Variants in UTP15 observed in about 807,000 individuals in gnomAD.
UTP15 encodes UTP15 small subunit processome component.
UTP15 carries 5 observed loss-of-function variants against 59.1 expected under a neutral mutation model. The ratio of observed to expected loss-of-function variants is 0.08; its 90% confidence interval spans 0.04 to 0.18. The LOEUF (loss-of-function observed/expected upper bound fraction) is 0.18, where lower values mean the gene tolerates loss of function less well. UTP15 is among the 10% of genes least tolerant of loss of function. The pLI, the probability that UTP15 is intolerant of heterozygous loss-of-function variation, is 1.00. For synonymous variants in UTP15, 211 were observed against 212.2 expected, an observed-to-expected ratio of 0.99 and a Z score of 0.05; for missense variants, 494 against 616.7, an observed-to-expected ratio of 0.80 and a Z score of 2.11.
At chr5:73,578,087 C>T (rs1748156502) in intron 9 of UTP15, 82 bp downstream of exon 9, 2 of 1,442,098 alleles carry the variant, frequency 1.4e-6, no homozygotes, top group East Asian at 4.9e-5. Context: ...TACTGGAAAG[C>T]GTAGTTCACA....
Position 73,572,492 on chromosome 5 carries a change from G to T in UTP15, c.677G>T (p.Gly226Val). 6.2e-7 allele frequency: 1 copy of T among 1,612,860 alleles called. No homozygotes were observed. The highest frequency in any genetic ancestry group is 8.5e-7 in the Non-Finnish European group (1 of 1,179,676). Residue 226 changes from glycine to valine, a missense_variant, in exon 7 of 13, where the codon GGT (glycine) becomes GTT (valine). Transcript: ENST00000296792. ...TAACGATGATTTCTTTTTATAGGAG[G>T]TCGTTATGTTAAAGTCTGGGACATG... is the stretch of plus-strand genomic sequence containing the variant. ...PSGGLLVSAG[G>V]RYVKVWDMLK...
At chr5:73,575,237 C>T (rs1193797162) in intron 7 of UTP15, among the ~76,000 whole-genome samples, 2 of 152,166 alleles carry the variant, frequency 1.3e-5, no homozygotes, top group Non-Finnish European at 2.9e-5. Flanking sequence ...TTACTGAAAT[C>T]ATGTTACTCG....
chr5:73,572,756 T>A (rs994129672), intron 7 of UTP15, 132 bp downstream of exon 7: 4 of 902,854 alleles, frequency 4.4e-6, no homozygotes, highest in South Asian at 2.1e-5. Context: ...ACCTGTTGAG[T>A]TGAAAATAGT....
chr5:73,578,428 C>T, intron 9 of UTP15: 1 of 290,744 alleles, frequency 3.4e-6, no homozygotes, highest in Non-Finnish European at 6.4e-6. Flanking sequence ...TGTTTGATTT[C>T]TCTTTCTACT....
intron 6 of UTP15, among the ~76,000 whole-genome samples, chr5:73,572,247 G>T (rs1294831146): frequency 6.6e-6 from 1 of 151,870 alleles, no homozygotes; most frequent in Non-Finnish European, 1.5e-5. Context: ...CATTTATTTT[G>T]CTGGAATTTA....
intron 11 of UTP15, 69 bp downstream of exon 11, chr5:73,579,219 T>G (rs1748221665): frequency 1.9e-6 from 3 of 1,606,300 alleles, no homozygotes; most frequent in Non-Finnish European, 2.6e-6. Flanking sequence ...TAAAAGACAT[T>G]TAGTTTGATC....
At position 73,580,843 on chromosome 5, in the gene UTP15, A is replaced by G. The variant is rs1048727484; in HGVS notation, c.*749A>G. The stretch of plus-strand genomic sequence containing the variant: ...AATGATAGAATTTGTCATTTTTCTT[A>G]CAACAGCCTTTCAGACTATTCTTCA... On this transcript the variant is annotated 3_prime_UTR_variant, in exon 13 of 13. Transcript: ENST00000296792. 4.6e-5 allele frequency: 7 copies of G among 151,938 alleles called. No homozygotes were observed. Among genetic ancestry groups the G allele is most frequent in the Admixed American group, 1.3e-4 (2 of 15,240 alleles). 9.4% of individuals were successfully genotyped at this position (151,938 alleles called of 1,614,324 possible). A position where few individuals can be genotyped will look rare whatever the true frequency, so the allele number is the denominator to read the frequency against.
rs756861410 is a variant in UTP15, at chr5:73,577,890, A to G, written c.929A>G (p.Asn310Ser). ...EDETIVVGMT[N>S]GILSVKHRKS... The stretch of plus-strand genomic sequence containing the variant: ...GAGACAATAGTTGTAGGAATGACCA[A>G]TGGAATACTGAGTGTTAAACATCGG... Residue 310 changes from asparagine to serine, a missense_variant, in exon 9 of 13, where the codon AAT becomes AGT. Transcript: ENST00000296792. The G allele has an allele frequency of 1.5e-5, 24 of 1,595,170 alleles. No homozygotes were observed. Among genetic ancestry groups the G allele is most frequent in the East Asian group, 2.3e-5 (1 of 43,428 alleles).
Position 73,578,632 on chromosome 5 carries a change from T to G in UTP15, c.1045-119T>G, listed in dbSNP as rs1357333735. 6.2e-6 allele frequency: 5 copies of G among 809,812 alleles called. No individual in the cohort carries two copies. In the Admixed American group the frequency reaches 1.0e-4, roughly 17 times the overall value. The allele number at this position is 809,812 out of a possible 1,614,324, so 50.2% of individuals were successfully genotyped here. On this transcript the variant is annotated intron_variant, in intron 9 of 12. Coordinates refer to ENST00000296792, the MANE Select transcript of UTP15 (RefSeq NM_032175.4). ...TTTTATTTAATCTACATTATGGGCA[T>G]ATGAACATTATTTGTGACATAGTTC...
chr5:73,577,669 C>G (rs1446143036), intron 8 of UTP15, among the ~76,000 whole-genome samples, 187 bp from the exon 9 acceptor site: 1 of 152,068 alleles, frequency 6.6e-6, no homozygotes, highest in African/African-American at 2.4e-5. Context: ...TAGTTGTATC[C>G]TAAGGAAAAA....
intron 1 of UTP15, among the ~76,000 whole-genome samples, chr5:73,566,346 G>T (rs1452744480): frequency 2.0e-5 from 3 of 152,216 alleles, no homozygotes; most frequent in African/African-American, 7.2e-5. Flanking sequence ...GTATATTGGA[G>T]TAAGCAAAGG....
chr5:73,578,467 A>G (rs190811556), intron 9 of UTP15: 3 of 350,936 alleles, frequency 8.5e-6, no homozygotes, highest in Admixed American at 8.7e-5. Context: ...CATAAAGAGA[A>G]TTGAAATGAG....
At chr5:73,572,284 G>C (rs73117981) in intron 6 of UTP15, among the ~76,000 whole-genome samples, 6 of 151,972 alleles carry the variant, frequency 3.9e-5, no homozygotes, top group Admixed American at 2.6e-4. Flanking sequence ...ATTATTTAAT[G>C]GTCATAACAG....
At chr5:73,567,508 A>G in intron 2 of UTP15, 74 bp downstream of exon 2, 3 of 1,071,352 alleles carry the variant, frequency 2.8e-6, no homozygotes, top group Non-Finnish European at 4.1e-6. Context: ...TATACTCTGG[A>G]TGCTCTAACA....
chr5:73,568,963 G>A (rs931909108), intron 4 of UTP15, among the ~76,000 whole-genome samples: 76 of 152,166 alleles, frequency 5.0e-4, no homozygotes, highest in African/African-American at 1.7e-3. Flanking sequence ...TACTGTCTTA[G>A]AGGCTCTTAT....
At chr5:73,567,931 C>T (rs16870602) in intron 2 of UTP15, among the ~76,000 whole-genome samples, 2,117 of 152,134 alleles carry the variant, frequency 0.014, 39 homozygotes, top group African/African-American at 0.043. Context: ...AGTACAAGTA[C>T]GTGGTTATTG....
intron 7 of UTP15, among the ~76,000 whole-genome samples, chr5:73,575,486 C>T (rs1027140167): frequency 3.9e-5 from 6 of 152,044 alleles, no homozygotes; most frequent in African/African-American, 1.2e-4. Context: ...ATTCTGTGCC[C>T]CAAAATGACA....
chr5:73,569,761 G>T, intron 5 of UTP15, 86 bp downstream of exon 5: 2 of 1,214,302 alleles, frequency 1.6e-6, no homozygotes, highest in South Asian at 2.0e-5. Context: ...GGGATGGAGG[G>T]GTTTAAATTT....
intron 9 of UTP15, chr5:73,578,514 G>C: frequency 4.5e-6 from 2 of 440,620 alleles, no homozygotes; most frequent in Middle Eastern, 6.2e-4. Context: ...GGTGCATGTT[G>C]TAAGTTAAAA....
Sources: gnomAD v4.1 joint callset for allele counts (sites outside exome capture counted in the v4.1 genomes callset) on GRCh38, gnomAD v4.1.1 for gene constraint, MANE v1.5 for transcripts, NCBI Gene and HGNC (gene_info 2026-07-23, HGNC 2026-07-21) for gene names.